The following GALNT13 variants were observed in gnomAD, a reference collection of about 807,000 sequenced individuals.
GALNT13 encodes UDP-GalNAc:polypeptide N-acetylgalactosaminyltransferase 13.
A neutral mutation model predicts 64.2 loss-of-function variants in GALNT13; 28 were observed. That is an observed-to-expected ratio of 0.44 (90% CI 0.32 to 0.60). The LOEUF (loss-of-function observed/expected upper bound fraction) is 0.60. GALNT13 is among the 20% of genes least tolerant of loss of function. GALNT13 has a pLI of 0.05. For synonymous variants in GALNT13, 214 were observed against 224.6 expected, an observed-to-expected ratio of 0.95 and a Z score of 0.42; for missense variants, 577 against 669.8, an observed-to-expected ratio of 0.86 and a Z score of 1.53.
At chr2:153,131,274 C>T in the GALNT13 span, among the ~76,000 whole-genome samples, 19 of 152,142 alleles carry the variant, frequency 1.2e-4, no homozygotes, top group African/African-American at 4.6e-4. Context: ...GGACAAGATA[C>T]ATTTTAAGCC....
the GALNT13 span, among the ~76,000 whole-genome samples, chr2:153,247,174 A>G: frequency 6.6e-6 from 1 of 152,230 alleles, no homozygotes; most frequent in East Asian, 1.9e-4. Flanking sequence ...TTAGATTCTC[A>G]CATAATAATA....
chr2:153,626,759 T>C, the GALNT13 span, among the ~76,000 whole-genome samples: 3 of 152,030 alleles, frequency 2.0e-5, no homozygotes, highest in Admixed American at 2.0e-4. Flanking sequence ...CCAGGAATGA[T>C]TAAAACAAAA....
intron 8 of GALNT13, among the ~76,000 whole-genome samples, chr2:154,269,930 A>ATATATGTGTATATATATATATAT (rs1553506263): frequency 2.8e-5 from 4 of 142,890 alleles, no homozygotes; most frequent in South Asian, 4.5e-4. Flanking sequence ...ATATATTTCT[A>ATATATGTGTATATATATATATAT]AAGCACAGGG....
chr2:154,263,023 T>C (rs181067890), intron 8 of GALNT13, among the ~76,000 whole-genome samples: 6 of 152,244 alleles, frequency 3.9e-5, no homozygotes, highest in African/African-American at 1.4e-4. Flanking sequence ...GGGAGCAGCA[T>C]TCCCAAGAGT....
At chr2:154,235,464 G>T (rs900793658) in intron 4 of GALNT13, among the ~76,000 whole-genome samples, 1 of 152,110 alleles carries the variant, frequency 6.6e-6, no homozygotes, top group African/African-American at 2.4e-5. Context: ...TGTTTGCATG[G>T]ATGCATGGGA....
chr2:154,148,976 G>A (rs1398226671), intron 4 of GALNT13, among the ~76,000 whole-genome samples: 1 of 152,102 alleles, frequency 6.6e-6, no homozygotes, highest in African/African-American at 2.4e-5. Context: ...CATTGCTTTT[G>A]GTGTTTTAGA....
chr2:153,792,077 AT>A, the GALNT13 span, among the ~76,000 whole-genome samples: 1 of 152,154 alleles, frequency 6.6e-6, no homozygotes, highest in Non-Finnish European at 1.5e-5. Context: ...AAGTTAAAAC[AT>A]GGAAAAAAAA....
In GALNT13 at chr2:154,431,983, CA is replaced by C. The variant is rs534087662; in HGVS notation, c.1396-6608del. On this transcript the variant is annotated intron_variant, in intron 11 of 12. Transcript: ENST00000392825. ...CCCAGTCTTAGGTATGTCCTTATAGCAGTGTGAGAACGGACTAAAACATCAT... is the reference window on the plus strand; with the variant it reads ...CCCAGTCTTAGGTATGTCCTTATAGCGTGTGAGAACGGACTAAAACATCAT... 2.0e-4 allele frequency among the ~76,000 whole-genome samples: 31 copies of C among 152,224 alleles called. No individual in the cohort carries two copies. The South Asian group carries it at 6.2e-3, about 31-fold the overall frequency.
the GALNT13 span, among the ~76,000 whole-genome samples, chr2:153,269,888 T>C: frequency 6.6e-6 from 1 of 152,084 alleles, no homozygotes; most frequent in Non-Finnish European, 1.5e-5. Context: ...GAACTCACTA[T>C]CATAAGAACA....
chr2:153,875,549 T>C (rs901859016), intron 1 of GALNT13, among the ~76,000 whole-genome samples: 3 of 152,158 alleles, frequency 2.0e-5, no homozygotes, highest in African/African-American at 4.8e-5. Context: ...TTTCTAGAAA[T>C]AGTAGTTGTA....
chr2:154,056,167 AT>A (rs1699884418), intron 3 of GALNT13, among the ~76,000 whole-genome samples: 3 of 152,098 alleles, frequency 2.0e-5, no homozygotes, highest in Non-Finnish European at 2.9e-5. Context: ...TCAGAAAGTT[AT>A]TTTTTTCTGG....
upstream of GALNT13, among the ~76,000 whole-genome samples, chr2:153,871,022 A>G (rs1685890515): frequency 6.6e-6 from 1 of 152,136 alleles, no homozygotes; most frequent in South Asian, 2.1e-4. Flanking sequence ...AGTGGGGGAC[A>G]GGTCCCAAGT....
the GALNT13 span, among the ~76,000 whole-genome samples, chr2:153,085,041 A>G: frequency 6.1e-4 from 93 of 152,294 alleles, 1 homozygote; most frequent in African/African-American, 2.1e-3. Context: ...GTGGTCTCAG[A>G]CGGAGATGAG....
At chr2:153,867,682 G>T (rs1435799687), upstream of GALNT13, among the ~76,000 whole-genome samples, 1 of 151,756 alleles carries the variant, frequency 6.6e-6, no homozygotes, top group African/African-American at 2.4e-5. Flanking sequence ...ATCAGTGGGA[G>T]CCCTCGGCTT....
rs188371246 is a variant in GALNT13, at chr2:154,337,736, A to G, written c.1156+36147A>G. 2.7e-3 allele frequency among the ~76,000 whole-genome samples: 409 copies of G among 152,262 alleles called. 1 individual carries two copies. The highest frequency in any genetic ancestry group is 4.3e-3 in the Admixed American group (66 of 15,276). On this transcript the variant is annotated intron_variant, in intron 9 of 12. Transcript: ENST00000392825. Reference sequence around the variant, plus strand: ...CAAGTCAAAATAAAAATATAAACACAAATCTAAATTTAACATTCTTTTGGG... The same window carrying G: ...CAAGTCAAAATAAAAATATAAACACGAATCTAAATTTAACATTCTTTTGGG...
intron 2 of GALNT13, among the ~76,000 whole-genome samples, chr2:153,928,870 G>A (rs1690323883): frequency 6.6e-6 from 1 of 152,088 alleles, no homozygotes; most frequent in South Asian, 2.1e-4. Context: ...GTAACAAATT[G>A]CCTTGACACA....
chr2:154,169,866 A>ACT (rs373017960), intron 4 of GALNT13, among the ~76,000 whole-genome samples: 1 of 150,912 alleles, frequency 6.6e-6, no homozygotes, highest in Non-Finnish European at 1.5e-5. Flanking sequence ...TTGGAGGCTG[A>ACT]CTCTCTCTCT....
chr2:154,364,694 C>T lies in GALNT13; in HGVS notation c.1157-31297C>T, dbSNP rs147864852. Among the ~76,000 whole-genome samples the T allele has an allele frequency of 1.9e-4, 28 of 147,018 alleles. No individual in the cohort carries two copies. In the East Asian group the frequency reaches 5.3e-3, roughly 28 times the overall value. On this transcript the variant is annotated intron_variant, in intron 9 of 12. Transcript: ENST00000392825. ...TGTTTTGTTTTGTTTTGTTTTGAGA[C>T]GGAGTCTCACTCTCTCTCCCGGGCT...
At chr2:154,255,507 A>C (rs1205095209) in intron 7 of GALNT13, among the ~76,000 whole-genome samples, 1 of 152,156 alleles carries the variant, frequency 6.6e-6, no homozygotes, top group Non-Finnish European at 1.5e-5. Flanking sequence ...ATAAATGTTA[A>C]TAGTCGATGA....
Sources: gnomAD v4.1 joint callset for allele counts (sites outside exome capture counted in the v4.1 genomes callset) on GRCh38, gnomAD v4.1.1 for gene constraint, MANE v1.5 for transcripts, NCBI Gene and HGNC (gene_info 2026-07-23, HGNC 2026-07-21) for gene names.